Variants in PLCB1 observed in about 807,000 individuals in gnomAD.
The protein encoded by PLCB1 is phospholipase C beta 1.
PLCB1 carries 46 observed loss-of-function variants against 161.8 expected under a neutral mutation model. The ratio of observed to expected loss-of-function variants is 0.28; its 90% CI spans 0.22 to 0.36. The LOEUF is 0.36. Ranked by LOEUF, PLCB1 falls within the 10% of genes least tolerant of loss-of-function variation. The pLI, the probability that PLCB1 is intolerant of heterozygous loss-of-function variation, is 1.00. For synonymous variants in PLCB1, 517 were observed against 503.7 expected (o/e 1.03, Z -0.35); for missense variants, 1,016 against 1,472.5 (o/e 0.69, Z 5.07).
intron 6 of PLCB1, among the ~76,000 whole-genome samples, chr20:8,649,014 T>G (rs978047953): frequency 3.6e-5 from 5 of 139,352 alleles, no homozygotes; most frequent in Non-Finnish European, 7.8e-5. Context: ...AAAATTAAAT[T>G]TATTAATAAT....
chr20:8,739,629 G>A (rs773989955), intron 21 of PLCB1, among the ~76,000 whole-genome samples: 23 of 152,150 alleles, frequency 1.5e-4, no homozygotes, highest in Non-Finnish European at 2.8e-4. Context: ...TGGGTTGGCC[G>A]GGTTTGGCTA....
chr20:8,815,372 G>A (rs1262322664), intron 31 of PLCB1, among the ~76,000 whole-genome samples: 1 of 152,168 alleles, frequency 6.6e-6, no homozygotes, highest in African/African-American at 2.4e-5. Flanking sequence ...AGACTGTAGT[G>A]CCATGCTCTG....
intron 25 of PLCB1, among the ~76,000 whole-genome samples, chr20:8,761,048 T>A (rs1359840521): frequency 6.6e-6 from 1 of 152,126 alleles, no homozygotes; most frequent in Non-Finnish European, 1.5e-5. Context: ...GGGCCAAATC[T>A]AGAAACAACC....
intron 9 of PLCB1, among the ~76,000 whole-genome samples, chr20:8,668,884 A>G (rs1600238652): frequency 6.6e-6 from 1 of 152,334 alleles, no homozygotes; most frequent in African/African-American, 2.4e-5. Flanking sequence ...CAGCTTTAAC[A>G]AGAATCTCCA....
chr20:8,312,130 G>A (rs942759216), intron 2 of PLCB1, among the ~76,000 whole-genome samples: 1 of 152,118 alleles, frequency 6.6e-6, no homozygotes, highest in African/African-American at 2.4e-5. Context: ...TAGTTGGGAA[G>A]ACTCACAGCT....
At chr20:8,539,661 TTTCTTTC>T (rs1463242317) in intron 3 of PLCB1, among the ~76,000 whole-genome samples, 11 of 93,768 alleles carry the variant, frequency 1.2e-4, no homozygotes, top group South Asian at 4.0e-4. Context: ...TCTTTCTTTC[TTTCTTTC>T]TTTCTTTCTT....
At chr20:8,220,834 G>C (rs1417293532) in intron 2 of PLCB1, among the ~76,000 whole-genome samples, 9 of 152,178 alleles carry the variant, frequency 5.9e-5, no homozygotes, top group Non-Finnish European at 1.3e-4. Flanking sequence ...CTCTTCTGAA[G>C]AAAGGGACAG....
chr20:8,645,730 A>T (rs1354049503), intron 4 of PLCB1, among the ~76,000 whole-genome samples: 2 of 152,236 alleles, frequency 1.3e-5, no homozygotes, highest in African/African-American at 4.8e-5. Flanking sequence ...TTATGTTTGC[A>T]TGTTCTGCTG....
chr20:8,352,183 A>G (rs1177223632), intron 2 of PLCB1, among the ~76,000 whole-genome samples: 1 of 152,172 alleles, frequency 6.6e-6, no homozygotes, highest in Non-Finnish European at 1.5e-5. Context: ...CCATGCAAAG[A>G]CATGTATGAA....
chr20:8,840,830 A>G (rs1986474624), intron 31 of PLCB1, among the ~76,000 whole-genome samples: 1 of 151,930 alleles, frequency 6.6e-6, no homozygotes, highest in African/African-American at 2.4e-5. Flanking sequence ...ATATATATTT[A>G]TTTTGAGATG....
At chr20:8,687,305 A>C (rs144703215) in intron 10 of PLCB1, among the ~76,000 whole-genome samples, 142 of 152,298 alleles carry the variant, frequency 9.3e-4, no homozygotes, top group African/African-American at 2.2e-3. Flanking sequence ...GATTAACGAC[A>C]TGAGCCACTG....
chr20:8,624,150 A>G (rs925645165), intron 3 of PLCB1, among the ~76,000 whole-genome samples: 14 of 152,330 alleles, frequency 9.2e-5, no homozygotes, highest in African/African-American at 3.4e-4. Flanking sequence ...AAGTATAAGG[A>G]ATCCATCTCT....
intron 31 of PLCB1, chr20:8,792,614 T>C (rs1568601616): frequency 2.1e-6 from 1 of 471,416 alleles, no homozygotes; most frequent in Admixed American, 2.3e-5. Context: ...TCTGTGCTTT[T>C]CTTCCATGAG....
At chr20:8,651,156 C>T (rs1186381795) in intron 7 of PLCB1, among the ~76,000 whole-genome samples, 1 of 152,050 alleles carries the variant, frequency 6.6e-6, no homozygotes, top group East Asian at 1.9e-4. Flanking sequence ...AAGCCTTTAC[C>T]TAAGGGTAAC....
At chr20:8,280,422 A>G (rs1157777722) in intron 2 of PLCB1, among the ~76,000 whole-genome samples, 1 of 152,086 alleles carries the variant, frequency 6.6e-6, no homozygotes, top group Non-Finnish European at 1.5e-5. Context: ...TGGTGTGGGC[A>G]TGATTCTCTT....
At chr20:8,535,202 CAA>C (rs11323420) in intron 3 of PLCB1, among the ~76,000 whole-genome samples, 87 of 52,792 alleles carry the variant, frequency 1.6e-3, no homozygotes, top group Admixed American at 2.5e-3. Flanking sequence ...AGTTTATGGG[CAA>C]AAAAAAAAAA....
At chr20:8,346,597 T>G (rs1986006032) in intron 2 of PLCB1, among the ~76,000 whole-genome samples, 1 of 152,234 alleles carries the variant, frequency 6.6e-6, no homozygotes, top group African/African-American at 2.4e-5. Flanking sequence ...TGTATTTTGT[T>G]GTTACATTAA....
chr20:8,784,797 G>A (rs1381067230), intron 27 of PLCB1, among the ~76,000 whole-genome samples: 3 of 152,156 alleles, frequency 2.0e-5, no homozygotes, highest in Admixed American at 2.0e-4. Flanking sequence ...TGCTTTTTCC[G>A]GAAGGAACAA....
intron 3 of PLCB1, among the ~76,000 whole-genome samples, chr20:8,542,555 A>G (rs1317053130): frequency 6.6e-6 from 1 of 152,210 alleles, no homozygotes; most frequent in Non-Finnish European, 1.5e-5. Flanking sequence ...CACATGTTGG[A>G]AAAGCTCTTG....
Sources: allele counts gnomAD v4.1 joint callset (sites outside exome capture counted in the v4.1 genomes callset), GRCh38; gene constraint gnomAD v4.1.1; transcripts MANE v1.5; gene names NCBI Gene and HGNC (gene_info 2026-07-23, HGNC 2026-07-21).